KNTC1: variants seen among roughly 807,000 people sequenced by gnomAD.
The protein encoded by KNTC1 is kinetochore associated 1.
KNTC1 carries 253 observed loss-of-function variants against 314.4 expected under a neutral mutation model. The observed-to-expected ratio is 0.80, with a 90% confidence interval of 0.73 to 0.89. KNTC1 has a LOEUF of 0.89. KNTC1 is among the 40% of genes least tolerant of loss of function. KNTC1 has a pLI of 0.00. For missense variants in KNTC1, 2,475 were observed against 2,572.9 expected (o/e 0.96, Z 0.82); for synonymous variants, 901 against 901.4 (o/e 1.00, Z 0.01).
chr12:122,534,048 T>C (rs1442413270), intron 2 of KNTC1, among the ~76,000 whole-genome samples: 1 of 152,248 alleles, frequency 6.6e-6, no homozygotes, highest in East Asian at 1.9e-4. Flanking sequence ...GACAGCTATG[T>C]GTGGGAGGCT....
Position 122,557,438 on chromosome 12 carries a change from G to C in KNTC1, c.1327G>C (p.Val443Leu). The change falls in exon 17 of 64, where the codon GTG (valine) becomes CTG (leucine). Residue 443 changes from valine to leucine, a missense_variant. Physicochemically the swap from Val to Leu is conservative, Grantham distance 32 (BLOSUM62 1). Transcript: ENST00000333479. Reference sequence around the variant, plus strand: ...ATTGGAGAAACTGGCATTGAGTTCTGTGGATGCCAGTGAACAGACCGAATG... The same window carrying C: ...ATTGGAGAAACTGGCATTGAGTTCTCTGGATGCCAGTGAACAGACCGAATG... ...HILEKLALSS[V>L]DASEQTEWQQ... 3.7e-6 allele frequency: 6 copies of C among 1,613,198 alleles called. No individual in the cohort carries two copies. The highest frequency in any genetic ancestry group is 5.1e-6 in the Non-Finnish European group (6 of 1,179,190).
Position 122,569,832 on chromosome 12 carries a change from G to T in KNTC1, c.1860+8G>T, listed in dbSNP as rs757749775. 2 of 1,599,100 alleles carry T rather than the reference G, an allele frequency of 1.3e-6. No homozygotes were observed. Among genetic ancestry groups the T allele is most frequent in the Admixed American group, 1.8e-5 (1 of 56,216 alleles). ...ACTGTGCCTGAAGGACAGGTGAGTTGTCTTCAGTATTTCCACTCTTGATGA... is the reference window on the plus strand; with the variant it reads ...ACTGTGCCTGAAGGACAGGTGAGTTTTCTTCAGTATTTCCACTCTTGATGA... On this transcript the variant is annotated splice_region_variant and intron_variant, in intron 22 of 63. Coordinates refer to ENST00000333479, the MANE Select transcript of KNTC1 (RefSeq NM_014708.6).
chr12:122,530,383 T>C (rs547799114), intron 2 of KNTC1, among the ~76,000 whole-genome samples, 191 bp downstream of exon 2: 1 of 152,254 alleles, frequency 6.6e-6, no homozygotes, highest in Admixed American at 6.5e-5. Context: ...TTTTCACAAC[T>C]GAAGGATTCT....
In KNTC1 at chr12:122,551,299, A is replaced by G. The variant is rs1963179563; in HGVS notation, c.1087-20A>G. The G allele has an allele frequency of 6.8e-7, 1 of 1,460,022 alleles. No individual in the cohort carries two copies. The highest frequency in any genetic ancestry group is 9.5e-7 in the Non-Finnish European group (1 of 1,055,496). The allele number at this position is 1,460,022 out of a possible 1,614,324, so 90.4% of individuals were successfully genotyped here. ...TTGCTCTTATATTGGAATTTTAATC[A>G]TGTTTTTTTGTTATTGTAGGATACC... On this transcript the variant is annotated intron_variant, in intron 13 of 63. Coordinates refer to ENST00000333479, the MANE Select transcript of KNTC1 (RefSeq NM_014708.6).
intron 43 of KNTC1, 100 bp from the exon 44 acceptor site, chr12:122,597,631 A>G (rs2138084550): frequency 1.1e-6 from 1 of 951,822 alleles, no homozygotes; most frequent in East Asian, 2.5e-5. Flanking sequence ...ACAAGGTTAA[A>G]TTTCAACAAT....
chr12:122,575,583 TG>T lies in KNTC1; in HGVS notation c.2425del (p.Val809PhefsTer11). On this transcript the variant is annotated frameshift_variant, in exon 28 of 64. Transcript: ENST00000333479. LOFTEE classifies it high-confidence loss of function. ...GTGCTCAAGATCATGTATGCGGCAG[TG>T]GTTCCTTGGAGTGCAGCTGTGGAGC... ...DAVLKIMYAA[V>X]VPWSAAVEQL... 6.3e-7 allele frequency: 1 copy of T among 1,598,204 alleles called. No individual in the cohort carries two copies. The highest frequency in any genetic ancestry group is 8.5e-7 in the Non-Finnish European group (1 of 1,172,170).
chr12:122,539,664 AT>A lies in KNTC1; in HGVS notation c.367-9del. The A allele has an allele frequency of 6.6e-7, 1 of 1,512,186 alleles. No homozygotes were observed. The highest frequency in any genetic ancestry group is 1.4e-5 in the African/African-American group (1 of 71,266). 93.7% of individuals were successfully genotyped at this position (1,512,186 alleles called of 1,614,324 possible). A position where few individuals can be genotyped will look rare whatever the true frequency, so the allele number is the denominator to read the frequency against. Reference sequence around the variant, plus strand: ...TGTTTAATTTTATTATTTGAAATTAATTTGCATTTAGGCATTTGTTCAGAAA... The same window carrying A: ...TGTTTAATTTTATTATTTGAAATTAATTGCATTTAGGCATTTGTTCAGAAA... On this transcript the variant is annotated splice_polypyrimidine_tract_variant and intron_variant, in intron 4 of 63. Transcript: ENST00000333479.
In KNTC1 at chr12:122,604,994, G is replaced by C. The variant is rs764186570; in HGVS notation, c.5293G>C (p.Val1765Leu). The C allele has an allele frequency of 1.9e-6, 3 of 1,613,280 alleles. No homozygotes were observed. The Admixed American group carries it at 5.0e-5, about 27-fold the overall frequency. ...GCTGAACACTGAGGAATATTTAAGA[G>C]TGATCGGAAAGCCAGCACATCTTAT... ...HKLNTEEYLR[V>L]IGKPAHLIVS... The change falls in exon 50 of 64, where the codon GTG (valine) becomes CTG (leucine). Residue 1765 changes from valine to leucine, a missense_variant. Physicochemically the swap from Val to Leu is conservative, Grantham distance 32. Coordinates refer to ENST00000333479, the MANE Select transcript of KNTC1 (RefSeq NM_014708.6).
intron 56 of KNTC1, 83 bp downstream of exon 56, chr12:122,615,169 T>G (rs1873634786): frequency 1.0e-6 from 1 of 998,508 alleles, no homozygotes. Context: ...TTGATACTTG[T>G]TATGGAACAG....
chr12:122,539,320 T>C (rs1415931314), intron 4 of KNTC1, among the ~76,000 whole-genome samples: 1 of 152,174 alleles, frequency 6.6e-6, no homozygotes, highest in Non-Finnish European at 1.5e-5. Flanking sequence ...TTCCCTATAC[T>C]GAATGGTATT....
At chr12:122,598,068 G>T in intron 44 of KNTC1, 130 bp downstream of exon 44, 1 of 687,090 alleles carries the variant, frequency 1.5e-6, no homozygotes, top group Non-Finnish European at 2.4e-6. Flanking sequence ...ATATTCTCTT[G>T]ATTTCTATAT....
Position 122,603,228 on chromosome 12 carries a change from C to T in KNTC1, c.5086C>T (p.Gln1696Ter). ...WAVAIAISLA[Q>*]DIPEGSFKIS... ...TGTAGCTATTGCCATCAGCCTTGCC[C>T]AGGATATCCCTGAAGGTATGAGCTC... Residue 1696 changes from glutamine to a stop codon, truncating the protein, a stop_gained, in exon 48 of 64, where the codon CAG (glutamine) becomes TAG (stop). Transcript: ENST00000333479. LOFTEE classifies it high-confidence loss of function. 1 of 1,606,604 alleles carries T rather than the reference C, an allele frequency of 6.2e-7. No individual in the cohort carries two copies. Among genetic ancestry groups the T allele is most frequent in the Non-Finnish European group, 8.5e-7 (1 of 1,176,416 alleles).
At chr12:122,545,383 G>A (rs997221084) in intron 8 of KNTC1, among the ~76,000 whole-genome samples, 16 of 151,982 alleles carry the variant, frequency 1.1e-4, no homozygotes, top group South Asian at 2.1e-4. Context: ...ACTTCACTGC[G>A]GCCTGGCAAC....
chr12:122,580,065 C>A, intron 32 of KNTC1, 88 bp downstream of exon 32: 1 of 833,218 alleles, frequency 1.2e-6, no homozygotes, highest in Non-Finnish European at 2.0e-6. Context: ...TCTCACCGTA[C>A]CCGCAGTTTT....
At chr12:122,543,919 G>C (rs1482155287) in intron 7 of KNTC1, among the ~76,000 whole-genome samples, 1 of 151,900 alleles carries the variant, frequency 6.6e-6, no homozygotes. Flanking sequence ...GGGTGGTGGC[G>C]CATGCCTGTA....
intron 16 of KNTC1, among the ~76,000 whole-genome samples, chr12:122,554,491 GGAT>G (rs1426756718): frequency 6.6e-6 from 1 of 152,102 alleles, no homozygotes; most frequent in Non-Finnish European, 1.5e-5. Flanking sequence ...GGGAGGAAGA[GGAT>G]GATGTATTTG....
chr12:122,613,230 A>G lies in KNTC1; in HGVS notation c.5741A>G (p.Lys1914Arg). 1 of 1,533,114 alleles carries G rather than the reference A, an allele frequency of 6.5e-7. No homozygotes were observed. 95.0% of individuals were successfully genotyped at this position (1,533,114 alleles called of 1,614,324 possible). A position where few individuals can be genotyped will look rare whatever the true frequency, so the allele number is the denominator to read the frequency against. ...SLFKKPIEEV[K>R]SYLRCITFLA... ...TTTAAAAAACCCATTGAAGAAGTGAAGTAAGTAGAAATGTTTAAATTGTAT... is the reference window on the plus strand; with the variant it reads ...TTTAAAAAACCCATTGAAGAAGTGAGGTAAGTAGAAATGTTTAAATTGTAT... The change falls in exon 54 of 64, where the codon AAA (lysine) becomes AGA (arginine). Residue 1914 changes from lysine to arginine, a missense_variant and splice_region_variant. By Grantham distance (26) the Lys-to-Arg change is conservative. Transcript: ENST00000333479.
chr12:122,617,233 G>A (rs1450846969), intron 57 of KNTC1, among the ~76,000 whole-genome samples: 1 of 152,060 alleles, frequency 6.6e-6, no homozygotes, highest in Non-Finnish European at 1.5e-5. Flanking sequence ...ACCTAGAAGT[G>A]GGCTTGTTGG....
intron 34 of KNTC1, among the ~76,000 whole-genome samples, chr12:122,583,786 A>G (rs987161011): frequency 3.9e-5 from 6 of 151,918 alleles, no homozygotes; most frequent in Admixed American, 1.3e-4. Flanking sequence ...AGATCGTGCC[A>G]TTGCACTCCA....
Sources: gnomAD v4.1 joint callset for allele counts (sites outside exome capture counted in the v4.1 genomes callset) on GRCh38, gnomAD v4.1.1 for gene constraint, MANE v1.5 for transcripts, NCBI Gene and HGNC (gene_info 2026-07-23, HGNC 2026-07-21) for gene names.